The following LGALS12 variants were observed in gnomAD, a reference collection of about 807,000 sequenced individuals.
LGALS12 encodes galectin 12, also known as galectin-12.
LGALS12 carries 36 observed loss-of-function variants against 36.8 expected under a neutral mutation model. The observed-to-expected ratio is 0.98, with a 90% CI of 0.75 to 1.29. LGALS12 has a LOEUF of 1.29. Ranked by LOEUF, LGALS12 falls within the 50% of genes most tolerant of loss-of-function variation. LGALS12 has a pLI of 0.00. For missense variants in LGALS12, 366 were observed against 394.3 expected (o/e 0.93, Z 0.61); for synonymous variants, 145 against 155.9 (o/e 0.93, Z 0.52).
In LGALS12 at chr11:63,511,755, G is replaced by C; in HGVS notation, c.562G>C (p.Val188Leu). ...PFLLMSPRLE[V>L]PCSHALPQGL... ...AATACCTCCCTTGTTCCTTCAGGAG[G>C]TGCCCTGCTCACATGCTCTTCCCCA... The change falls in exon 7 of 9, where the codon GTG becomes CTG. Residue 188 changes from valine to leucine, a missense_variant. By Grantham distance (32) the Val-to-Leu change is conservative (BLOSUM62 1). Transcript: ENST00000394618. 3.1e-6 allele frequency: 5 copies of C among 1,612,120 alleles called. No homozygotes were observed. Among genetic ancestry groups the C allele is most frequent in the South Asian group, 1.1e-5 (1 of 91,026 alleles).
In LGALS12 at chr11:63,506,316, T is replaced by G; in HGVS notation, c.-143T>G. 6.3e-7 allele frequency: 1 copy of G among 1,581,070 alleles called. No individual in the cohort carries two copies. Among genetic ancestry groups the G allele is most frequent in the East Asian group, 2.2e-5 (1 of 44,648 alleles). On this transcript the variant is annotated 5_prime_UTR_variant, in exon 1 of 9. Coordinates refer to ENST00000394618, the MANE Select transcript of LGALS12 (RefSeq NM_033101.4). ...CCTCCTAGGGCTGCTCCAGACAGCA[T>G]TAAAACGCTGCAGGTCGCAGGTGAG...
intron 7 of LGALS12, among the ~76,000 whole-genome samples, chr11:63,514,157 T>C (rs1258824679): frequency 6.6e-6 from 1 of 152,208 alleles, no homozygotes; most frequent in African/African-American, 2.4e-5. Flanking sequence ...CCAATAGCCC[T>C]TGAAAGGCCT....
At chr11:63,511,692 G>A in intron 6 of LGALS12, 60 bp from the exon 7 acceptor site, 2 of 1,248,854 alleles carry the variant, frequency 1.6e-6, no homozygotes, top group Non-Finnish European at 1.2e-6. Flanking sequence ...CCCCGGGGAT[G>A]GGCGGTCCTC....
At chr11:63,511,569 C>T (rs1256690640) in intron 6 of LGALS12, among the ~76,000 whole-genome samples, 183 bp from the exon 7 acceptor site, 1 of 152,112 alleles carries the variant, frequency 6.6e-6, no homozygotes, top group Non-Finnish European at 1.5e-5. Flanking sequence ...CTGGACAGGC[C>T]GGGGAAAGTG....
chr11:63,516,227 C>T lies in LGALS12; in HGVS notation c.799-20C>T. The T allele has an allele frequency of 6.5e-7, 1 of 1,543,832 alleles. No individual in the cohort carries two copies. On this transcript the variant is annotated intron_variant, in intron 8 of 8. Coordinates refer to ENST00000394618, the MANE Select transcript of LGALS12 (RefSeq NM_033101.4). ...AAGTCTGGCTGGAAGCTGCAACCCC[C>T]TCATGTCCTCCTTTCCCAGGTGCTG...
chr11:63,507,416 C>T (rs532725505), intron 1 of LGALS12, among the ~76,000 whole-genome samples: 1 of 152,284 alleles, frequency 6.6e-6, no homozygotes, highest in Admixed American at 6.5e-5. Context: ...ACATTCATTC[C>T]AAACACATCT....
Position 63,506,742 on chromosome 11 carries a change from T to A in LGALS12, c.69+215T>A, listed in dbSNP as rs552619697. Among the ~76,000 whole-genome samples, 23 of 152,308 alleles carry A rather than the reference T, an allele frequency of 1.5e-4. No individual in the cohort carries two copies. The South Asian group carries it at 4.1e-3, about 27-fold the overall frequency. On this transcript the variant is annotated intron_variant, in intron 1 of 8. Coordinates refer to ENST00000394618, the MANE Select transcript of LGALS12 (RefSeq NM_033101.4). Reference sequence around the variant, plus strand: ...ATGACTGCTAGGCTTCCAGGGTCACTGCATTTTGAAAGTGGCGAAGCCTGG... The same window carrying A: ...ATGACTGCTAGGCTTCCAGGGTCACAGCATTTTGAAAGTGGCGAAGCCTGG...
chr11:63,510,420 G>A, intron 4 of LGALS12, 43 bp from the exon 5 acceptor site: 1 of 1,605,308 alleles, frequency 6.2e-7, no homozygotes, highest in Admixed American at 1.7e-5. Context: ...GGGGATTGCA[G>A]TGGTCCTAAA....
chr11:63,510,102 C>T (rs1445727612), intron 4 of LGALS12, among the ~76,000 whole-genome samples: 1 of 152,146 alleles, frequency 6.6e-6, no homozygotes, highest in Non-Finnish European at 1.5e-5. Flanking sequence ...GAAAGGGTGT[C>T]CAGGAGCCGC....
At chr11:63,514,109 A>G (rs1362512932) in intron 7 of LGALS12, among the ~76,000 whole-genome samples, 2 of 152,130 alleles carry the variant, frequency 1.3e-5, no homozygotes, top group Non-Finnish European at 2.9e-5. Context: ...TCCTTCCCAA[A>G]GTTGGAAACT....
chr11:63,510,792 C>T (rs1186529597), intron 5 of LGALS12, among the ~76,000 whole-genome samples: 2 of 152,226 alleles, frequency 1.3e-5, no homozygotes, highest in African/African-American at 2.4e-5. Flanking sequence ...ACCACCTCTG[C>T]AAGGTGGCTG....
rs1219883350 is a variant in LGALS12, at chr11:63,512,093, T to C, written c.647+253T>C. The stretch of plus-strand genomic sequence containing the variant: ...GTACATCTAGTCAGGCCTAGCCTCT[T>C]GTCCCAGGTCCTAGGAAAGGGGCCC... On this transcript the variant is annotated intron_variant, in intron 7 of 8. Coordinates refer to ENST00000394618, the MANE Select transcript of LGALS12 (RefSeq NM_033101.4). 3.3e-5 allele frequency among the ~76,000 whole-genome samples: 5 copies of C among 152,204 alleles called. No individual in the cohort carries two copies. In the East Asian group the frequency reaches 9.6e-4, roughly 29 times the overall value.
In LGALS12 at chr11:63,515,577, T is replaced by C; in HGVS notation, c.662T>C (p.Leu221Pro). Residue 221 changes from leucine to proline, a missense_variant, in exon 8 of 9, where the codon CTG becomes CCG. Coordinates refer to ENST00000394618, the MANE Select transcript of LGALS12 (RefSeq NM_033101.4). ...LQEPKHFTVS[L>P]RDQAAHAPVT... ...GCTTCCTGCAGTTTTACTGTGAGCC[T>C]GAGGGACCAGGCTGCCCATGCTCCT... The C allele has an allele frequency of 6.2e-7, 1 of 1,614,204 alleles. No homozygotes were observed. Among genetic ancestry groups the C allele is most frequent in the African/African-American group, 1.3e-5 (1 of 75,080 alleles).
chr11:63,511,053 G>C (rs368509093), intron 5 of LGALS12, 26 bp from the exon 6 acceptor site: 4 of 1,612,402 alleles, frequency 2.5e-6, no homozygotes, highest in Middle Eastern at 1.7e-4. Flanking sequence ...ACATGGCCTT[G>C]TGTCCTCTCT....
rs1253197510 is a variant in LGALS12 at position 63,506,385 on chromosome 11, T to A, written c.-74T>A. On this transcript the variant is annotated 5_prime_UTR_variant, in exon 1 of 9. Coordinates refer to ENST00000394618, the MANE Select transcript of LGALS12 (RefSeq NM_033101.4). ...TGCTCCAGGCATTTAGGACCCTGAC[T>A]GGGGCAGATGAGTCAGCCCAGTGGG... The A allele has an allele frequency of 1.2e-6, 2 of 1,614,006 alleles. No individual in the cohort carries two copies. Among genetic ancestry groups the A allele is most frequent in the Non-Finnish European group, 1.7e-6 (2 of 1,180,012 alleles).
chr11:63,506,559 G>C (rs111363197), intron 1 of LGALS12, 32 bp downstream of exon 1: 1 of 1,613,794 alleles, frequency 6.2e-7, no homozygotes, highest in South Asian at 1.1e-5. Flanking sequence ...GAACCTCCTC[G>C]GTCTCTGGGC....
intron 6 of LGALS12, 150 bp downstream of exon 6, chr11:63,511,255 A>ATGCCGCCAGGCAGCTT: frequency 2.7e-6 from 2 of 746,630 alleles, no homozygotes; most frequent in East Asian, 2.7e-5. Context: ...CAGGCAGCTT[A>ATGCCGCCAGGCAGCTT]TGCCCCCAGC....
At chr11:63,513,320 C>A (rs766275778) in intron 7 of LGALS12, among the ~76,000 whole-genome samples, 1 of 152,170 alleles carries the variant, frequency 6.6e-6, no homozygotes, top group Admixed American at 6.5e-5. Context: ...GTGACATAGT[C>A]AGCAAGTAAC....
At chr11:63,511,254 T>G in intron 6 of LGALS12, 149 bp downstream of exon 6, 1 of 751,246 alleles carries the variant, frequency 1.3e-6, no homozygotes, top group Non-Finnish European at 2.3e-6. Flanking sequence ...CCAGGCAGCT[T>G]ATGCCCCCAG....
Sources: gnomAD v4.1 joint callset for allele counts (sites outside exome capture counted in the v4.1 genomes callset) on GRCh38, gnomAD v4.1.1 for gene constraint, MANE v1.5 for transcripts, NCBI Gene and HGNC (gene_info 2026-07-23, HGNC 2026-07-21) for gene names.